Variants in COL25A1 observed in about 807,000 individuals in gnomAD.
The protein encoded by COL25A1 is collagen alpha-1(XXV) chain.
Under a neutral mutation model 128.4 loss-of-function variants are expected in COL25A1, and 103 were observed. That is an observed-to-expected ratio of 0.80 (90% confidence interval 0.68 to 0.94). The LOEUF is 0.94. Ranked by LOEUF, COL25A1 falls within the 40% of genes least tolerant of loss-of-function variation. The pLI is 0.00. For synonymous variants in COL25A1, 279 were observed against 277.2 expected (o/e 1.01, Z -0.06); for missense variants, 745 against 840.0 (o/e 0.89, Z 1.40).
chr4:109,218,356 G>GGTTTTTTGTTTGTTT (rs1553961820), intron 3 of COL25A1, among the ~76,000 whole-genome samples: 1 of 100,470 alleles, frequency 1.0e-5, no homozygotes, highest in African/African-American at 4.1e-5. Flanking sequence ...GGTTTTTTGG[G>GGTTTTTTGTTTGTTT]GTTTTTTTTT....
intron 13 of COL25A1, among the ~76,000 whole-genome samples, chr4:108,907,008 G>A (rs1329595316): frequency 4.6e-5 from 7 of 152,220 alleles, no homozygotes; most frequent in Admixed American, 4.6e-4. Context: ...GGATGGCTCT[G>A]TCTCAGGAAC....
chr4:108,816,426 T>A (rs1348629939), intron 37 of COL25A1, among the ~76,000 whole-genome samples: 5 of 152,154 alleles, frequency 3.3e-5, no homozygotes, highest in Admixed American at 2.0e-4. Context: ...GGAGAAAAAA[T>A]TTCAAAATGA....
rs964844663 is a variant in COL25A1 at position 108,855,975 on chromosome 4, T to C, written c.1321-3050A>G. On this transcript the variant is annotated intron_variant, in intron 24 of 37. Transcript: ENST00000399132. The stretch of plus-strand genomic sequence containing the variant: ...AATAATGATTTGAAAGTCAGAATTT[T>C]TGGTGGTGATGGAGAAAGACATGGC... Among the ~76,000 whole-genome samples the C allele has an allele frequency of 4.6e-5, 7 of 152,098 alleles. No individual in the cohort carries two copies. In the East Asian group the frequency reaches 1.4e-3, roughly 29 times the overall value.
intron 19 of COL25A1, among the ~76,000 whole-genome samples, chr4:108,881,800 C>G (rs1158143590): frequency 6.6e-6 from 1 of 152,152 alleles, no homozygotes; most frequent in Non-Finnish European, 1.5e-5. Flanking sequence ...TGAGCACTGA[C>G]TACATTATAA....
At chr4:109,031,982 A>T (rs1758909196) in intron 5 of COL25A1, among the ~76,000 whole-genome samples, 1 of 152,216 alleles carries the variant, frequency 6.6e-6, no homozygotes, top group Admixed American at 6.5e-5. Context: ...CTGCCTTAAA[A>T]TATAGGTATT....
intron 29 of COL25A1, among the ~76,000 whole-genome samples, 174 bp from the exon 30 acceptor site, chr4:108,844,743 A>C (rs1734886226): frequency 7.6e-6 from 1 of 130,960 alleles, no homozygotes; most frequent in South Asian, 2.4e-4. Flanking sequence ...ATGAGAATTA[A>C]AAAAAAAAAT....
intron 37 of COL25A1, among the ~76,000 whole-genome samples, chr4:108,816,062 T>C (rs1316622198): frequency 6.6e-6 from 1 of 152,122 alleles, no homozygotes; most frequent in Non-Finnish European, 1.5e-5. Flanking sequence ...GGGGTTATGA[T>C]AGTGGAGGGA....
intron 8 of COL25A1, among the ~76,000 whole-genome samples, chr4:108,973,774 T>C (rs1752151303): frequency 6.6e-6 from 1 of 152,146 alleles, no homozygotes; most frequent in South Asian, 2.1e-4. Flanking sequence ...CATTCACCAT[T>C]GTGTTATAAT....
chr4:108,913,241 G>A (rs1215416665), intron 13 of COL25A1, among the ~76,000 whole-genome samples: 2 of 133,996 alleles, frequency 1.5e-5, no homozygotes, highest in African/African-American at 5.2e-5. Context: ...GGGACTTTGT[G>A]TGGTCTCTGT....
intron 3 of COL25A1, among the ~76,000 whole-genome samples, chr4:109,185,159 C>T (rs1775021233): frequency 6.6e-6 from 1 of 152,164 alleles, no homozygotes; most frequent in Admixed American, 6.5e-5. Flanking sequence ...ATTTCATAAT[C>T]ATAGCTTTAC....
chr4:109,152,095 T>TA (rs57253376), intron 3 of COL25A1, among the ~76,000 whole-genome samples: 80,116 of 142,718 alleles, frequency 0.56, 22,846 homozygotes, highest in Non-Finnish European at 0.67. Context: ...GACTTTTTAA[T>TA]AAAAAAAAAA....
At chr4:108,912,218 T>C (rs1744317989) in intron 13 of COL25A1, among the ~76,000 whole-genome samples, 1 of 152,178 alleles carries the variant, frequency 6.6e-6, no homozygotes, top group Non-Finnish European at 1.5e-5. Flanking sequence ...ATGAAGTTAT[T>C]TGACTTTATG....
Position 108,899,014 on chromosome 4 carries a change from C to CTAT in COL25A1, c.861+139_861+140insATA, listed in dbSNP as rs1553963418. On this transcript the variant is annotated intron_variant, in intron 15 of 37. Coordinates refer to ENST00000399132, the MANE Select transcript of COL25A1 (RefSeq NM_198721.4). ...ATCTATATATCTATATATCTATATA[C>CTAT]CTACCTACCTACCTATTAATCTACC... is the stretch of plus-strand genomic sequence containing the variant. 72 of 545,076 alleles carry CTAT rather than the reference C, an allele frequency of 1.3e-4. 1 individual carries two copies. Among genetic ancestry groups the CTAT allele is most frequent in the East Asian group, 4.8e-4 (15 of 31,460 alleles). 33.8% of individuals were successfully genotyped at this position (545,076 alleles called of 1,614,324 possible).
chr4:109,222,490 T>G (rs1448220646), intron 3 of COL25A1, among the ~76,000 whole-genome samples: 1 of 152,206 alleles, frequency 6.6e-6, no homozygotes, highest in Non-Finnish European at 1.5e-5. Context: ...CCCTGGTAAG[T>G]AATTATAAGA....
intron 3 of COL25A1, among the ~76,000 whole-genome samples, chr4:109,158,714 T>G (rs1226241150): frequency 2.0e-5 from 3 of 152,224 alleles, no homozygotes; most frequent in African/African-American, 7.2e-5. Context: ...TTACAGGTTT[T>G]GCAGGGAACA....
intron 34 of COL25A1, 63 bp downstream of exon 34, chr4:108,825,133 T>G (rs1179528858): frequency 3.1e-6 from 4 of 1,294,264 alleles, no homozygotes; most frequent in Non-Finnish European, 4.5e-6. Flanking sequence ...CTTTTTGTTA[T>G]CGATGATGGA....
At chr4:108,823,809 A>T in intron 35 of COL25A1, 1 of 749,078 alleles carries the variant, frequency 1.3e-6, no homozygotes, top group Non-Finnish European at 1.8e-6. Context: ...CTGCCTTTGC[A>T]GGGTTCAATG....
chr4:108,824,084 T>G, intron 35 of COL25A1, 90 bp downstream of exon 35: 1 of 1,613,698 alleles, frequency 6.2e-7, no homozygotes, highest in Non-Finnish European at 8.5e-7. Flanking sequence ...GGAGAAAGAT[T>G]AAGTGTCAAA....
intron 6 of COL25A1, among the ~76,000 whole-genome samples, chr4:108,991,415 G>C (rs1754214163): frequency 6.6e-6 from 1 of 152,074 alleles, no homozygotes; most frequent in Non-Finnish European, 1.5e-5. Flanking sequence ...TACTCTTAAA[G>C]ACATAAACTA....
Sources: gnomAD v4.1 joint callset for allele counts (sites outside exome capture counted in the v4.1 genomes callset) on GRCh38, gnomAD v4.1.1 for gene constraint, MANE v1.5 for transcripts, NCBI Gene and HGNC (gene_info 2026-07-23, HGNC 2026-07-21) for gene names.